The following TDRD7 variants were observed in gnomAD, a reference collection of about 807,000 sequenced individuals.
TDRD7 encodes the protein tudor domain containing 7.
Under a neutral mutation model 109.8 loss-of-function variants are expected in TDRD7, and 47 were observed. The ratio of observed to expected loss-of-function variants is 0.43; its 90% CI spans 0.34 to 0.55. The LOEUF (loss-of-function observed/expected upper bound fraction) is 0.55. TDRD7 is among the 20% of genes least tolerant of loss of function. The pLI is 0.03. For synonymous variants in TDRD7, 424 were observed against 457.3 expected, an observed-to-expected ratio of 0.93 and a Z score of 0.93; for missense variants, 1,164 against 1,319.2, an observed-to-expected ratio of 0.88 and a Z score of 1.82.
At chr9:97,477,551 C>G (rs1339945627) in intron 12 of TDRD7, among the ~76,000 whole-genome samples, 1 of 151,918 alleles carries the variant, frequency 6.6e-6, no homozygotes. Context: ...AGATAAATAT[C>G]TAGTATTATT....
In TDRD7 at chr9:97,478,562, A is replaced by T. The variant is rs772585763; in HGVS notation, c.2290A>T (p.Ile764Leu). 1.2e-6 allele frequency: 2 copies of T among 1,613,972 alleles called. No individual in the cohort carries two copies. The change falls in exon 13 of 17, where the codon ATA becomes TTA. Residue 764 changes from isoleucine to leucine, a missense_variant. Physicochemically the swap from Ile to Leu is conservative, Grantham distance 5. Transcript: ENST00000355295. The stretch of plus-strand genomic sequence containing the variant: ...TCGGTTTCTACAAGAAATGATTGCA[A>T]TACCACCTCAGGTACTATGTTACCA... ...PPRFLQEMIA[I>L]PPQAIKCCLA...
chr9:97,452,613 G>T (rs1195010607), intron 6 of TDRD7, among the ~76,000 whole-genome samples: 1 of 152,200 alleles, frequency 6.6e-6, no homozygotes, highest in Non-Finnish European at 1.5e-5. Context: ...TAATTCAGAT[G>T]ATTATTTGGC....
chr9:97,468,762 C>G (rs1387551059), intron 8 of TDRD7, among the ~76,000 whole-genome samples: 1 of 152,154 alleles, frequency 6.6e-6, no homozygotes, highest in Non-Finnish European at 1.5e-5. Flanking sequence ...ATAGGTAGTG[C>G]TGGGAGACCT....
intron 6 of TDRD7, among the ~76,000 whole-genome samples, chr9:97,452,868 A>T (rs1175991321): frequency 6.6e-6 from 1 of 152,206 alleles, no homozygotes; most frequent in African/African-American, 2.4e-5. Context: ...ATTTGGAAGA[A>T]CTTGTGCTGG....
chr9:97,488,293 A>G (rs1401315214), intron 16 of TDRD7, among the ~76,000 whole-genome samples: 1 of 152,172 alleles, frequency 6.6e-6, no homozygotes, highest in African/African-American at 2.4e-5. Context: ...ACCTTGCCCC[A>G]TATGTGGAAC....
intron 8 of TDRD7, among the ~76,000 whole-genome samples, chr9:97,468,980 T>C (rs953659668): frequency 1.3e-5 from 2 of 152,202 alleles, no homozygotes; most frequent in African/African-American, 2.4e-5. Context: ...TACAAACATG[T>C]ATGATTAAAA....
chr9:97,482,037 A>T (rs1267637582), intron 14 of TDRD7, among the ~76,000 whole-genome samples: 1 of 152,142 alleles, frequency 6.6e-6, no homozygotes, highest in African/African-American at 2.4e-5. Context: ...TATCATTCCT[A>T]AGATAAACCA....
chr9:97,455,905 G>A (rs970748820), intron 6 of TDRD7, among the ~76,000 whole-genome samples: 2 of 152,200 alleles, frequency 1.3e-5, no homozygotes, highest in South Asian at 4.1e-4. Context: ...CAGATGACAT[G>A]ATTTTATATT....
At chr9:97,482,220 C>T (rs1049946661) in intron 14 of TDRD7, among the ~76,000 whole-genome samples, 7 of 152,142 alleles carry the variant, frequency 4.6e-5, no homozygotes, top group African/African-American at 7.2e-5. Flanking sequence ...AATTTTGACC[C>T]GTTCTGTGGA....
At chr9:97,468,338 G>A (rs1240765635) in intron 8 of TDRD7, among the ~76,000 whole-genome samples, 1 of 152,208 alleles carries the variant, frequency 6.6e-6, no homozygotes, top group African/African-American at 2.4e-5. Flanking sequence ...AGAGAGTGGT[G>A]TCACAGAAGC....
intron 8 of TDRD7, among the ~76,000 whole-genome samples, chr9:97,470,071 C>T (rs1232183840): frequency 6.6e-6 from 1 of 152,148 alleles, no homozygotes; most frequent in African/African-American, 2.4e-5. Context: ...ATAGCCATCA[C>T]AAATGCTGCT....
At chr9:97,473,889 G>A (rs1363818666) in intron 11 of TDRD7, among the ~76,000 whole-genome samples, 1 of 152,210 alleles carries the variant, frequency 6.6e-6, no homozygotes. Context: ...TGCCTGGCAT[G>A]TAGTCAGTGC....
rs1370897801 is a variant in TDRD7 at position 97,472,299 on chromosome 9, A to C, written c.1748A>C (p.Glu583Ala). Residue 583 changes from glutamate (E) to alanine (A), a missense_variant, in exon 10 of 17, where the codon GAA becomes GCA. Around this residue, in one of 5 missense-constraint regions of TDRD7, gnomAD observed 261 missense variants for 336.2 expected, o/e 0.78. Transcript: ENST00000355295. Reference protein sequence around the residue: ...QATKCKLAGLEVLSDDPDLVK... With the variant: ...QATKCKLAGLAVLSDDPDLVK... Reference sequence around the variant, plus strand: ...AAGATTCAATATTTTTCAGGCTTGGAAGTCCTAAGCGATGACCCTGATCTA... The same window carrying C: ...AAGATTCAATATTTTTCAGGCTTGGCAGTCCTAAGCGATGACCCTGATCTA... 18 of 1,613,404 alleles carry C rather than the reference A, an allele frequency of 1.1e-5. No homozygotes were observed. The highest frequency in any genetic ancestry group is 1.4e-5 in the Non-Finnish European group (16 of 1,179,532).
chr9:97,470,074 A>T (rs1463314748), intron 8 of TDRD7, among the ~76,000 whole-genome samples: 1 of 152,210 alleles, frequency 6.6e-6, no homozygotes, highest in African/African-American at 2.4e-5. Flanking sequence ...GCCATCACAA[A>T]TGCTGCTTTG....
intron 5 of TDRD7, among the ~76,000 whole-genome samples, chr9:97,441,450 C>T (rs1031622695): frequency 7.9e-5 from 12 of 152,040 alleles, no homozygotes; most frequent in Admixed American, 4.6e-4. Context: ...TGTTTCTTGA[C>T]CCACAAGAAA....
At chr9:97,456,129 A>T (rs1828603983) in intron 6 of TDRD7, among the ~76,000 whole-genome samples, 1 of 152,208 alleles carries the variant, frequency 6.6e-6, no homozygotes, top group South Asian at 2.1e-4. Context: ...GACATGAAGG[A>T]CCTCTTCAAA....
At chr9:97,481,628 T>G (rs1219288712) in intron 14 of TDRD7, among the ~76,000 whole-genome samples, 1 of 152,224 alleles carries the variant, frequency 6.6e-6, no homozygotes, top group African/African-American at 2.4e-5. Context: ...TTTTTCTGTC[T>G]TTGTATTCCT....
intron 7 of TDRD7, among the ~76,000 whole-genome samples, chr9:97,462,260 A>G (rs957122631): frequency 1.3e-5 from 2 of 152,106 alleles, no homozygotes; most frequent in Non-Finnish European, 2.9e-5. Context: ...GACCAATCAC[A>G]TGGTTTCTGT....
intron 6 of TDRD7, among the ~76,000 whole-genome samples, chr9:97,454,654 A>G (rs1456871185): frequency 1.3e-5 from 2 of 152,202 alleles, no homozygotes; most frequent in Admixed American, 6.5e-5. Flanking sequence ...CAAACAGACA[A>G]TGTACCAGAA....
Sources: allele counts gnomAD v4.1 joint callset (sites outside exome capture counted in the v4.1 genomes callset), GRCh38; gene constraint gnomAD v4.1.1; regional missense constraint gnomAD v4.1.1; transcripts MANE v1.5; gene names NCBI Gene and HGNC (gene_info 2026-07-23, HGNC 2026-07-21).